GAD2: variants seen among roughly 807,000 people sequenced by gnomAD.
GAD2 encodes 65 kDa glutamic acid decarboxylase.
Under a neutral mutation model 80.1 loss-of-function variants are expected in GAD2, and 22 were observed. The ratio of observed to expected loss-of-function variants is 0.27; its 90% CI spans 0.20 to 0.39. The LOEUF is 0.39. Ranked by LOEUF, GAD2 falls within the 10% of genes least tolerant of loss-of-function variation. The pLI, the probability that GAD2 is intolerant of heterozygous loss-of-function variation, is 1.00. For synonymous variants in GAD2, 274 were observed against 256.9 expected (o/e 1.07, Z -0.64); for missense variants, 624 against 738.4 (o/e 0.85, Z 1.80).
intron 8 of GAD2, among the ~76,000 whole-genome samples, chr10:26,247,811 G>A (rs762150240): frequency 5.5e-5 from 8 of 146,776 alleles, no homozygotes; most frequent in Admixed American, 1.4e-4. Flanking sequence ...CAGGAGAATC[G>A]CTTGAACCCA....
chr10:26,287,910 A>G (rs1845353055), intron 13 of GAD2, among the ~76,000 whole-genome samples: 2 of 152,240 alleles, frequency 1.3e-5, no homozygotes, highest in Admixed American at 6.5e-5. Context: ...GCTCAGTCCC[A>G]TAAGAAAAAG....
At chr10:26,264,815 T>G (rs1845050365) in intron 8 of GAD2, among the ~76,000 whole-genome samples, 1 of 152,346 alleles carries the variant, frequency 6.6e-6, no homozygotes, top group African/African-American at 2.4e-5. Flanking sequence ...AGGAAGGATG[T>G]ACGCATACTT....
intron 11 of GAD2, among the ~76,000 whole-genome samples, chr10:26,276,563 T>G (rs1845209703): frequency 6.6e-6 from 1 of 152,062 alleles, no homozygotes; most frequent in African/African-American, 2.4e-5. Context: ...TTTGTTTGTA[T>G]TTTTAGTAGA....
At chr10:26,281,159 T>A in intron 12 of GAD2, 72 bp downstream of exon 12, 1 of 1,129,912 alleles carries the variant, frequency 8.9e-7, no homozygotes. Flanking sequence ...TGACTTTCTC[T>A]GGAAATGTCA....
intron 8 of GAD2, among the ~76,000 whole-genome samples, chr10:26,255,293 C>A (rs1431233408): frequency 6.6e-6 from 1 of 152,226 alleles, no homozygotes; most frequent in African/African-American, 2.4e-5. Context: ...GGGCCAACAA[C>A]TGCCCATCAG....
In GAD2 at chr10:26,229,730, A is replaced by G. The variant is rs770376976; in HGVS notation, c.793A>G (p.Lys265Glu). Reference protein sequence around the residue: ...RFKMFPEVKEKGMAALPRLIA... With the variant: ...RFKMFPEVKEEGMAALPRLIA... ...TAAGATGTTCCCAGAAGTCAAGGAGAAAGGAATGGCTGCTCTTCCCAGGCT... is the reference window on the plus strand; with the variant it reads ...TAAGATGTTCCCAGAAGTCAAGGAGGAAGGAATGGCTGCTCTTCCCAGGCT... Residue 265 changes from lysine (K) to glutamate (E), a missense_variant, in exon 7 of 16, where the codon AAA becomes GAA. Lys to Glu is a moderately conservative substitution (Grantham distance 56). Coordinates refer to ENST00000376261, the MANE Select transcript of GAD2 (RefSeq NM_001134366.2). 156 of 1,613,998 alleles carry G rather than the reference A, an allele frequency of 9.7e-5. 1 individual carries two copies. In the Admixed American group the frequency reaches 2.1e-3, roughly 22 times the overall value.
At chr10:26,283,676 C>T (rs1845298181) in intron 12 of GAD2, among the ~76,000 whole-genome samples, 1 of 152,126 alleles carries the variant, frequency 6.6e-6, no homozygotes, top group Non-Finnish European at 1.5e-5. Context: ...AGCTAGAGCC[C>T]AAACTGTGGG....
chr10:26,295,330 T>C (rs796498685), intron 15 of GAD2, among the ~76,000 whole-genome samples: 2 of 152,204 alleles, frequency 1.3e-5, no homozygotes, highest in African/African-American at 4.8e-5. Context: ...ATTTTATTAC[T>C]GTAATCAAGA....
intron 7 of GAD2, among the ~76,000 whole-genome samples, chr10:26,234,683 CAT>C (rs1244907559): frequency 1.3e-5 from 2 of 152,106 alleles, no homozygotes; most frequent in African/African-American, 4.8e-5. Context: ...AAAGGAAAGT[CAT>C]ATTAATGCTC....
At chr10:26,266,998 A>G (rs1027972254) in intron 8 of GAD2, among the ~76,000 whole-genome samples, 4 of 152,112 alleles carry the variant, frequency 2.6e-5, no homozygotes, top group African/African-American at 9.7e-5. Flanking sequence ...AGAAGGTTCG[A>G]CTAGAATCAG....
chr10:26,227,421 A>G (rs1462141444), intron 6 of GAD2, among the ~76,000 whole-genome samples: 1 of 152,204 alleles, frequency 6.6e-6, no homozygotes, highest in Non-Finnish European at 1.5e-5. Flanking sequence ...TAGCCAGAGG[A>G]CAGCTGAGTT....
chr10:26,218,100 C>A, intron 3 of GAD2, 109 bp downstream of exon 3: 3 of 1,205,160 alleles, frequency 2.5e-6, no homozygotes, highest in African/African-American at 1.6e-5. Context: ...GTCGAGGTGG[C>A]AGCGGAGGCG....
intron 6 of GAD2, among the ~76,000 whole-genome samples, 191 bp from the exon 7 acceptor site, chr10:26,229,471 T>C (rs901202984): frequency 2.6e-5 from 4 of 152,156 alleles, no homozygotes; most frequent in Non-Finnish European, 5.9e-5. Flanking sequence ...GGTGTGACAG[T>C]GGCACCTGTC....
intron 4 of GAD2, among the ~76,000 whole-genome samples, chr10:26,222,811 G>A (rs1286099418): frequency 1.3e-5 from 2 of 152,190 alleles, no homozygotes; most frequent in African/African-American, 2.4e-5. Context: ...CTTCCCCATT[G>A]CCTTCCTTTA....
chr10:26,233,488 A>G (rs926470756), intron 7 of GAD2, among the ~76,000 whole-genome samples: 1 of 152,226 alleles, frequency 6.6e-6, no homozygotes, highest in Admixed American at 6.5e-5. Context: ...CATCCTGGAC[A>G]GGTGAGCTCT....
At chr10:26,218,988 C>T (rs1844420351) in intron 3 of GAD2, 55 bp from the exon 4 acceptor site, 2 of 1,331,346 alleles carry the variant, frequency 1.5e-6, no homozygotes, top group African/African-American at 3.0e-5. Flanking sequence ...CAAGATCTTG[C>T]CTTGAATATT....
intron 8 of GAD2, among the ~76,000 whole-genome samples, chr10:26,251,723 A>C (rs1844882775): frequency 6.6e-6 from 1 of 152,262 alleles, no homozygotes; most frequent in Admixed American, 6.5e-5. Context: ...ACCTTGCAAA[A>C]GATTTCATCA....
intron 8 of GAD2, among the ~76,000 whole-genome samples, chr10:26,263,794 G>A (rs4749102): frequency 0.38 from 58,253 of 152,068 alleles, 13,256 homozygotes; most frequent in African/African-American, 0.64. Context: ...GTGAGGTTAC[G>A]TGCTTTTATT....
intron 10 of GAD2, among the ~76,000 whole-genome samples, chr10:26,271,012 C>G (rs1204731392): frequency 6.6e-6 from 1 of 152,120 alleles, no homozygotes; most frequent in East Asian, 1.9e-4. Flanking sequence ...TGATCAGTAC[C>G]CAAGCTGACC....
Sources: allele counts gnomAD v4.1 joint callset (sites outside exome capture counted in the v4.1 genomes callset), GRCh38; gene constraint gnomAD v4.1.1; transcripts MANE v1.5; gene names NCBI Gene and HGNC (gene_info 2026-07-23, HGNC 2026-07-21).